Variants in RHBDF1 observed in about 807,000 individuals in gnomAD.
RHBDF1 encodes inactive rhomboid protein 1.
In RHBDF1, 80 loss-of-function variants were observed where a neutral mutation model predicts 98.6. The observed-to-expected ratio is 0.81, with a 90% confidence interval of 0.68 to 0.98. RHBDF1 has a LOEUF of 0.98. Ranked by LOEUF, RHBDF1 falls within the 50% of genes least tolerant of loss-of-function variation. The probability of loss-of-function intolerance (pLI) is 0.00; values close to 1 mark genes in which losing one functional copy is unlikely to be tolerated. For missense variants in RHBDF1, 1,116 were observed against 1,198.3 expected (o/e 0.93, Z 1.01); for synonymous variants, 512 against 486.8 (o/e 1.05, Z -0.68).
rs761984298 is a variant in RHBDF1 at position 63,751 on chromosome 16, T to C, written c.298A>G (p.Lys100Glu). ...GVSKDSDSTQKWQRKSIRHCS... is the reference protein window; with the variant it reads ...GVSKDSDSTQEWQRKSIRHCS... ...TGACGGATGCTCTTGCGCTGCCATT[T>C]CTGGGTGCTGTCACTGTCCTTGCTC... Residue 100 changes from lysine (K) to glutamate (E), a missense_variant, in exon 4 of 18, where the codon AAA (lysine) becomes GAA (glutamate). By Grantham distance (56) the Lys-to-Glu change is moderately conservative. Coordinates refer to ENST00000262316, the MANE Select transcript of RHBDF1 (RefSeq NM_022450.5). 6.2e-7 allele frequency: 1 copy of C among 1,613,850 alleles called. No individual in the cohort carries two copies. Among genetic ancestry groups the C allele is most frequent in the African/African-American group, 1.3e-5 (1 of 74,930 alleles).
At chr16:59,631 G>T in intron 14 of RHBDF1, 101 bp downstream of exon 14, 1 of 1,494,322 alleles carries the variant, frequency 6.7e-7, no homozygotes, top group Non-Finnish European at 9.1e-7. Context: ...CCACATCCTT[G>T]GTATACTGGC....
chr16:63,130 G>T lies in RHBDF1; in HGVS notation c.515C>A (p.Ala172Glu). 6.2e-7 allele frequency: 1 copy of T among 1,600,140 alleles called. No individual in the cohort carries two copies. Among genetic ancestry groups the T allele is most frequent in the Non-Finnish European group, 8.5e-7 (1 of 1,174,310 alleles). The change falls in exon 5 of 18, where the codon GCG becomes GAG. Residue 172 changes from alanine to glutamate, a missense_variant. Physicochemically the swap from Ala to Glu is moderately radical, Grantham distance 107. Coordinates refer to ENST00000262316, the MANE Select transcript of RHBDF1 (RefSeq NM_022450.5). ...AGTGTGTGGGGCACTCAGGCCTTCC[G>T]CAGTGTCATCTGCCACACGGAAGGC... ...GRAFRVADDT[A>E]EGLSAPHTPV...
At chr16:74,042 TAGA>T (rs1898041469), upstream of RHBDF1, 3 of 650,648 alleles carry the variant, frequency 4.6e-6, no homozygotes, top group Non-Finnish European at 5.7e-6. Context: ...AATTCTCATG[TAGA>T]AGGAGACAAT....
Position 62,059 on chromosome 16 carries a change from G to A in RHBDF1, c.954-7C>T. 5 of 1,452,312 alleles carry A rather than the reference G, an allele frequency of 3.4e-6. No homozygotes were observed. Among genetic ancestry groups the A allele is most frequent in the Non-Finnish European group, 4.5e-6 (5 of 1,106,672 alleles). The allele number at this position is 1,452,312 out of a possible 1,614,324, so 90.0% of individuals were successfully genotyped here. A position where few individuals can be genotyped will look rare whatever the true frequency, so the allele number is the denominator to read the frequency against. ...CCAGCCTCGCTCCAAGGGCCTGGAG[G>A]GAGCCGGCATTCACCTCCCGCCCCA... On this transcript the variant is annotated splice_polypyrimidine_tract_variant and splice_region_variant and intron_variant, in intron 7 of 17. Transcript: ENST00000262316.
At position 59,403 on chromosome 16, in the gene RHBDF1, C is replaced by T; in HGVS notation, c.1893+16G>A. 6.2e-7 allele frequency: 1 copy of T among 1,613,306 alleles called. No individual in the cohort carries two copies. Among genetic ancestry groups the T allele is most frequent in the Non-Finnish European group, 8.5e-7 (1 of 1,179,580 alleles). ...GTAGCTGGGGGAGGGGAACGACGGA[C>T]ACTCTGCAGACCTACCTGAGAGCAG... On this transcript the variant is annotated intron_variant, in intron 15 of 17. Transcript: ENST00000262316.
upstream of RHBDF1, chr16:73,797 G>T: frequency 4.4e-6 from 1 of 225,082 alleles, no homozygotes; most frequent in Non-Finnish European, 7.4e-6. Flanking sequence ...CTCTGGGTCT[G>T]GGTGGCACCA....
intron 1 of RHBDF1, among the ~76,000 whole-genome samples, chr16:67,425 G>A (rs556410749): frequency 3.0e-4 from 45 of 152,324 alleles, no homozygotes; most frequent in African/African-American, 8.2e-4. Flanking sequence ...AGCACTAGGC[G>A]ACATCCAGCT....
At chr16:60,818 A>T (rs1323709908) in intron 11 of RHBDF1, 2 of 565,030 alleles carry the variant, frequency 3.5e-6, no homozygotes, top group Non-Finnish European at 6.2e-6. Flanking sequence ...GAAAGTTGGG[A>T]TGAATTTTTT....
At position 61,387 on chromosome 16, in the gene RHBDF1, A is replaced by G; in HGVS notation, c.1393T>C (p.Ser465Pro). The change falls in exon 10 of 18, where the codon TCG becomes CCG. Residue 465 changes from serine to proline, a missense_variant and splice_region_variant. Coordinates refer to ENST00000262316, the MANE Select transcript of RHBDF1 (RefSeq NM_022450.5). ...QQENFWIGPSSEALIHLGAKF... is the reference protein window; with the variant it reads ...QQENFWIGPSPEALIHLGAKF... ...CCCGCCCCCAGCCCCGTCCTCACCGAGCTGGGCCCGATCCAGAAGTTCTCC... is the reference window on the plus strand; with the variant it reads ...CCCGCCCCCAGCCCCGTCCTCACCGGGCTGGGCCCGATCCAGAAGTTCTCC... 6.2e-7 allele frequency: 1 copy of G among 1,604,846 alleles called. No homozygotes were observed.
At chr16:73,602 A>G (rs1453847380), upstream of RHBDF1, among the ~76,000 whole-genome samples, 1 of 152,176 alleles carries the variant, frequency 6.6e-6, no homozygotes, top group Non-Finnish European at 1.5e-5. Context: ...ACAGCAGAGT[A>G]CGGGCAGGGC....
At chr16:65,561 A>T (rs552781937) in intron 1 of RHBDF1, among the ~76,000 whole-genome samples, 1 of 152,188 alleles carries the variant, frequency 6.6e-6, no homozygotes, top group South Asian at 2.1e-4. Flanking sequence ...CACACAGGGG[A>T]CAGCCGATCT....
At position 61,790 on chromosome 16, in the gene RHBDF1, A is replaced by T; in HGVS notation, c.1208+8T>A. The T allele has an allele frequency of 6.2e-7, 1 of 1,609,676 alleles. No individual in the cohort carries two copies. The highest frequency in any genetic ancestry group is 8.5e-7 in the Non-Finnish European group (1 of 1,178,332). ...CATCCCAACCCAGGCCTTGCCTGCCACGCCTACCTGTGGTCGTCCATGTCC... is the reference window on the plus strand; with the variant it reads ...CATCCCAACCCAGGCCTTGCCTGCCTCGCCTACCTGTGGTCGTCCATGTCC... On this transcript the variant is annotated splice_region_variant and intron_variant, in intron 8 of 17. Transcript: ENST00000262316.
At chr16:62,717 G>C in intron 6 of RHBDF1, 22 bp from the exon 7 acceptor site, 2 of 1,614,160 alleles carry the variant, frequency 1.2e-6, no homozygotes, top group South Asian at 1.1e-5. Flanking sequence ...CATGAGGTCA[G>C]GGTGGACACA....
chr16:74,495 G>A (rs572282335), upstream of RHBDF1, among the ~76,000 whole-genome samples: 2 of 152,110 alleles, frequency 1.3e-5, no homozygotes, highest in East Asian at 1.9e-4. Context: ...GAAACCCCCC[G>A]CACCCAGGAG....
Position 62,987 on chromosome 16 carries a change from C to A in RHBDF1, c.658G>T (p.Ala220Ser). The A allele has an allele frequency of 6.2e-7, 1 of 1,611,980 alleles. No individual in the cohort carries two copies. The highest frequency in any genetic ancestry group is 8.5e-7 in the Non-Finnish European group (1 of 1,179,306). ...SVAKMSFRAA[A>S]ALMKGRSVRD... is the part of the protein sequence containing the mutation. ...CCTGCACCCACTTTCATCAGCGCTGCGGCCGCCCGGAAGCTCATCTTGGCC... is the reference window on the plus strand; with the variant it reads ...CCTGCACCCACTTTCATCAGCGCTGAGGCCGCCCGGAAGCTCATCTTGGCC... Residue 220 changes from alanine to serine, a missense_variant, in exon 5 of 18, where the codon GCA (alanine) becomes TCA (serine). Transcript: ENST00000262316.
Position 58,730 on chromosome 16 carries a change from G to T in RHBDF1, c.2178C>A (p.Ile726=). ...EVGPAGSQFG[I]LACLFVELFQ... ...AGAGCTCCACGAAGAGGCAGGCCAGGATGCCGAACTGGGAGCCAGCAGGAC... is the reference window on the plus strand; with the variant it reads ...AGAGCTCCACGAAGAGGCAGGCCAGTATGCCGAACTGGGAGCCAGCAGGAC... The change falls in exon 18 of 18, where the codon ATC becomes ATA. Residue 726 remains isoleucine, a synonymous_variant. Transcript: ENST00000262316. The T allele has an allele frequency of 1.2e-6, 2 of 1,612,774 alleles. No individual in the cohort carries two copies. The highest frequency in any genetic ancestry group is 1.7e-6 in the Non-Finnish European group (2 of 1,179,814).
chr16:62,870 G>T lies in RHBDF1; in HGVS notation c.700C>A (p.Arg234Ser), dbSNP rs368764349. The change falls in exon 6 of 18, where the codon CGC (arginine) becomes AGC (serine). Residue 234 changes from arginine (R) to serine (S), a missense_variant. By Grantham distance (110) the Arg-to-Ser change is moderately radical. Transcript: ENST00000262316. The stretch of plus-strand genomic sequence containing the variant: ...GTGAAGCTTCGACGCTGTGCCCGGC[G>T]AAAGGTGCCATCCCTAACGGAGCGG... The part of the protein sequence containing the change: ...KGRSVRDGTF[R>S]RAQRRSFTPA... 3.1e-6 allele frequency: 5 copies of T among 1,613,826 alleles called. No individual in the cohort carries two copies. The highest frequency in any genetic ancestry group is 4.2e-6 in the Non-Finnish European group (5 of 1,179,988).
At chr16:60,591 G>T in intron 11 of RHBDF1, 52 bp from the exon 12 acceptor site, 4 of 1,406,226 alleles carry the variant, frequency 2.8e-6, no homozygotes, top group South Asian at 1.2e-5. Context: ...GCAATGAGGG[G>T]CACGCAGGGA....
chr16:62,662 G>C lies in RHBDF1; in HGVS notation c.829C>G (p.Pro277Ala). The C allele has an allele frequency of 6.2e-7, 1 of 1,614,104 alleles. No homozygotes were observed. Among genetic ancestry groups the C allele is most frequent in the Admixed American group, 1.7e-5 (1 of 60,038 alleles). ...GILHEELSTY[P>A]DEVFESPSEA... ...GATGGGGACTCGAAAACTTCATCCG[G>C]GTATGTGGACAGCTCTTCATGGAGG... is the stretch of plus-strand genomic sequence containing the variant. Residue 277 changes from proline (P) to alanine (A), a missense_variant, in exon 7 of 18, where the codon CCG becomes GCG. Pro to Ala is a conservative substitution (Grantham distance 27, BLOSUM62 -1). Coordinates refer to ENST00000262316, the MANE Select transcript of RHBDF1 (RefSeq NM_022450.5).
Sources: gnomAD v4.1 joint callset for allele counts (sites outside exome capture counted in the v4.1 genomes callset) on GRCh38, gnomAD v4.1.1 for gene constraint, MANE v1.5 for transcripts, NCBI Gene and HGNC (gene_info 2026-07-23, HGNC 2026-07-21) for gene names.